Variants in SCAPER observed in about 807,000 individuals in gnomAD.
SCAPER encodes the protein S-phase cyclin A associated protein in the ER, also known as S phase cyclin A-associated protein in the endoplasmic reticulum.
A neutral mutation model predicts 182.2 loss-of-function variants in SCAPER; 98 were observed. That is an observed-to-expected ratio of 0.54 (90% CI 0.46 to 0.64). The LOEUF is 0.64. Among genes scored for constraint, SCAPER ranks in the 30% least tolerant of loss-of-function variants. The probability of loss-of-function intolerance (pLI) is 0.00; values close to 1 mark genes in which losing one functional copy is unlikely to be tolerated. For missense variants in SCAPER, 1,432 were observed against 1,690.0 expected (o/e 0.85, Z 2.68); for synonymous variants, 605 against 564.6 (o/e 1.07, Z -1.01).
At chr15:76,801,415 T>C (rs1048193818) in intron 6 of SCAPER, among the ~76,000 whole-genome samples, 1 of 152,192 alleles carries the variant, frequency 6.6e-6, no homozygotes, top group Non-Finnish European at 1.5e-5. Flanking sequence ...AAAACAAATA[T>C]ATAAATATTT....
intron 15 of SCAPER, chr15:76,736,971 TCAC>T (rs1290218263): frequency 6.6e-6 from 1 of 152,434 alleles, no homozygotes; most frequent in African/African-American, 2.4e-5. Flanking sequence ...CTTGCTGTTT[TCAC>T]CACATTTGCA....
At chr15:76,404,435 T>C in intron 27 of SCAPER, 89 bp downstream of exon 27, 1 of 1,311,162 alleles carries the variant, frequency 7.6e-7, no homozygotes, top group Non-Finnish European at 1.0e-6. Flanking sequence ...GATGACCACT[T>C]GAATTCCTAT....
intron 24 of SCAPER, among the ~76,000 whole-genome samples, chr15:76,497,635 CA>C (rs1215630259): frequency 6.6e-6 from 1 of 151,910 alleles, no homozygotes; most frequent in East Asian, 1.9e-4. Context: ...GACACAAAGG[CA>C]AAGACTTAAT....
At chr15:76,729,639 T>C (rs537285819) in intron 16 of SCAPER, among the ~76,000 whole-genome samples, 5 of 152,192 alleles carry the variant, frequency 3.3e-5, no homozygotes, top group Non-Finnish European at 7.3e-5. Context: ...GCACAGTGGC[T>C]CTGGGCTACT....
chr15:76,673,812 C>A (rs1230312389), intron 20 of SCAPER, among the ~76,000 whole-genome samples: 1 of 152,012 alleles, frequency 6.6e-6, no homozygotes, highest in Admixed American at 6.6e-5. Flanking sequence ...TGACTGGGCT[C>A]ATGTCAAAAG....
Position 76,348,624 on chromosome 15 carries a change from C to A in SCAPER, c.*9G>T. On this transcript the variant is annotated 3_prime_UTR_variant, in exon 32 of 32. Coordinates refer to ENST00000563290, the MANE Select transcript of SCAPER (RefSeq NM_020843.4). ...CAAGGGTACTCAAATACAGAATCAA[C>A]CAAAACATTTATTTTTTCTCTTTTT... is the stretch of plus-strand genomic sequence containing the variant. 1 of 1,517,402 alleles carries A rather than the reference C, an allele frequency of 6.6e-7. No individual in the cohort carries two copies. Among genetic ancestry groups the A allele is most frequent in the Non-Finnish European group, 8.9e-7 (1 of 1,125,696 alleles). The allele number at this position is 1,517,402 out of a possible 1,614,324, so 94.0% of individuals were successfully genotyped here.
chr15:76,903,709 C>CTGT (rs1323006498), intron 1 of SCAPER, among the ~76,000 whole-genome samples: 1 of 152,118 alleles, frequency 6.6e-6, no homozygotes, highest in Non-Finnish European at 1.5e-5. Flanking sequence ...GGACCAAAGA[C>CTGT]ACATAGAGTA....
At chr15:76,539,004 T>C (rs554042727) in intron 23 of SCAPER, among the ~76,000 whole-genome samples, 10 of 152,028 alleles carry the variant, frequency 6.6e-5, no homozygotes, top group African/African-American at 2.4e-4. Context: ...AACAAGTTTA[T>C]ATGAATCAAC....
intron 22 of SCAPER, among the ~76,000 whole-genome samples, chr15:76,612,511 C>CAGGCATG (rs1213240501): frequency 6.6e-6 from 1 of 152,110 alleles, no homozygotes; most frequent in Non-Finnish European, 1.5e-5. Flanking sequence ...GTTGTGATTA[C>CAGGCATG]AGGCATGAGG....
In SCAPER at chr15:76,847,485, T is replaced by C. The variant is rs1015984279; in HGVS notation, c.196-5554A>G. ...AATAACTAAGAGTGTAACTAGATTA[T>C]AATACAAAGGATAAATGTTTGAGGG... is the stretch of plus-strand genomic sequence containing the variant. On this transcript the variant is annotated intron_variant, in intron 4 of 31. Transcript: ENST00000563290. Among the ~76,000 whole-genome samples, 4 of 152,196 alleles carry C rather than the reference T, an allele frequency of 2.6e-5. No individual in the cohort carries two copies. The South Asian group carries it at 8.3e-4, about 31-fold the overall frequency.
intron 23 of SCAPER, among the ~76,000 whole-genome samples, chr15:76,569,291 T>C (rs1404618627): frequency 6.6e-6 from 1 of 152,186 alleles, no homozygotes; most frequent in African/African-American, 2.4e-5. Context: ...GCTTTCGTTG[T>C]GTCTTTTGAG....
At chr15:76,422,107 C>A (rs1295442682) in intron 26 of SCAPER, among the ~76,000 whole-genome samples, 1 of 152,054 alleles carries the variant, frequency 6.6e-6, no homozygotes, top group Admixed American at 6.6e-5. Flanking sequence ...CAATGCGGGC[C>A]CTTTTTTGGT....
intron 27 of SCAPER, among the ~76,000 whole-genome samples, chr15:76,394,884 A>G (rs2043945082): frequency 6.6e-6 from 1 of 152,170 alleles, no homozygotes; most frequent in Non-Finnish European, 1.5e-5. Flanking sequence ...AAAATGTACA[A>G]TTAAATTATT....
intron 15 of SCAPER, among the ~76,000 whole-genome samples, chr15:76,753,080 A>G (rs928637395): frequency 3.3e-5 from 5 of 151,790 alleles, no homozygotes; most frequent in Non-Finnish European, 5.9e-5. Flanking sequence ...ACATGAACCT[A>G]TTGTAAGATG....
intron 13 of SCAPER, 89 bp downstream of exon 13, chr15:76,765,248 A>C (rs183827727): frequency 8.7e-7 from 1 of 1,148,626 alleles, no homozygotes; most frequent in Non-Finnish European, 1.2e-6. Flanking sequence ...AATGTGTCCA[A>C]AAATGCCACG....
chr15:76,642,477 T>C (rs180913288), intron 21 of SCAPER, among the ~76,000 whole-genome samples: 5 of 152,342 alleles, frequency 3.3e-5, no homozygotes, highest in Non-Finnish European at 7.4e-5. Context: ...CAAATATTAA[T>C]ATTACATTAA....
intron 23 of SCAPER, among the ~76,000 whole-genome samples, chr15:76,542,750 G>A (rs192760911): frequency 8.6e-5 from 13 of 151,984 alleles, no homozygotes; most frequent in African/African-American, 2.9e-4. Flanking sequence ...GCTAAGTCAT[G>A]GTTATGAAAC....
intron 22 of SCAPER, 131 bp from the exon 23 acceptor site, chr15:76,574,415 A>C: frequency 1.1e-6 from 1 of 920,854 alleles, no homozygotes; most frequent in South Asian, 1.8e-5. Flanking sequence ...ATCTGAGGGG[A>C]GAAAAAACCA....
At chr15:76,479,412 A>C (rs1023607821) in intron 24 of SCAPER, among the ~76,000 whole-genome samples, 2 of 152,148 alleles carry the variant, frequency 1.3e-5, no homozygotes, top group Non-Finnish European at 2.9e-5. Context: ...GAAGACATTA[A>C]AAACTTATTG....
Sources: allele counts gnomAD v4.1 joint callset (sites outside exome capture counted in the v4.1 genomes callset), GRCh38; gene constraint gnomAD v4.1.1; transcripts MANE v1.5; gene names NCBI Gene and HGNC (gene_info 2026-07-23, HGNC 2026-07-21).